Variants in SVIL observed in about 807,000 individuals in gnomAD.
SVIL encodes the protein archvillin.
Under a neutral mutation model 240.4 loss-of-function variants are expected in SVIL, and 101 were observed. The ratio of observed to expected loss-of-function variants is 0.42; its 90% confidence interval spans 0.36 to 0.50. The LOEUF (loss-of-function observed/expected upper bound fraction) is 0.50, where lower values mean the gene tolerates loss of function less well. SVIL is among the 20% of genes least tolerant of loss of function. SVIL has a pLI of 0.01. For missense variants in SVIL, 2,512 were observed against 2,818.7 expected (o/e 0.89, Z 2.46); for synonymous variants, 999 against 1,100.0 (o/e 0.91, Z 1.82).
At chr10:29,553,625 C>A (rs1202308538) in intron 5 of SVIL, among the ~76,000 whole-genome samples, 1 of 152,086 alleles carries the variant, frequency 6.6e-6, no homozygotes, top group East Asian at 1.9e-4. Context: ...AAAGCAGCAG[C>A]ACAGCTCCTC....
intron 1 of SVIL, among the ~76,000 whole-genome samples, chr10:29,699,194 T>C (rs1427717316): frequency 6.6e-6 from 1 of 152,204 alleles, no homozygotes; most frequent in Non-Finnish European, 1.5e-5. Context: ...CAGTGTGTGA[T>C]CATAGCTCAC....
At chr10:29,493,480 C>G (rs1343160823) in intron 20 of SVIL, 89 bp from the exon 21 acceptor site, 1 of 1,414,084 alleles carries the variant, frequency 7.1e-7, no homozygotes, top group East Asian at 2.4e-5. Context: ...TCTATTGCCT[C>G]CTAAGTTCCA....
At chr10:29,562,169 T>A (rs1954537881) in intron 3 of SVIL, among the ~76,000 whole-genome samples, 2 of 152,374 alleles carry the variant, frequency 1.3e-5, no homozygotes, top group Admixed American at 6.5e-5. Flanking sequence ...TTTCTTCCAC[T>A]GGAAGGTTTC....
chr10:29,646,179 C>A lies in SVIL; in HGVS notation c.-201+11790G>T, dbSNP rs189125002. 3.9e-5 allele frequency among the ~76,000 whole-genome samples: 6 copies of A among 152,298 alleles called. No individual in the cohort carries two copies. The East Asian group carries it at 7.7e-4, about 20-fold the overall frequency. On this transcript the variant is annotated intron_variant, in intron 3 of 35. Coordinates refer to the SVIL transcript ENST00000375400. ...AGGGAAAATGACAAGGCAATGAGTT[C>A]TTTTCCAAAGGCAACTTTATCCCTC...
intron 1 of SVIL, among the ~76,000 whole-genome samples, chr10:29,625,515 G>A (rs1381507589): frequency 6.6e-6 from 1 of 152,098 alleles, no homozygotes. Flanking sequence ...CCAGGCTGGA[G>A]TGCAGCGGCG....
At chr10:29,540,661 G>T (rs962383256) in intron 6 of SVIL, among the ~76,000 whole-genome samples, 1 of 152,226 alleles carries the variant, frequency 6.6e-6, no homozygotes, top group Middle Eastern at 3.4e-3. Flanking sequence ...TAAGAATGAG[G>T]TTGGGATGCC....
At chr10:29,718,325 CAA>C (rs59660864) in intron 1 of SVIL, among the ~76,000 whole-genome samples, 5,907 of 133,572 alleles carry the variant, frequency 0.044, 249 homozygotes, top group African/African-American at 0.11. Context: ...GACTCCGTCT[CAA>C]AAAAAAAAAA....
At chr10:29,478,074 C>T (rs925927151) in intron 29 of SVIL, among the ~76,000 whole-genome samples, 1 of 152,164 alleles carries the variant, frequency 6.6e-6, no homozygotes, top group Non-Finnish European at 1.5e-5. Flanking sequence ...TAGGAACGGG[C>T]ACTACAAGTG....
intron 2 of SVIL, among the ~76,000 whole-genome samples, chr10:29,662,971 G>A (rs1185574274): frequency 6.6e-6 from 1 of 152,136 alleles, no homozygotes; most frequent in Non-Finnish European, 1.5e-5. Flanking sequence ...AAATTAACTG[G>A]GTGTGGTGGC....
intron 2 of SVIL, among the ~76,000 whole-genome samples, chr10:29,669,223 G>T (rs181243107): frequency 1.1e-4 from 16 of 152,302 alleles, no homozygotes; most frequent in African/African-American, 3.8e-4. Flanking sequence ...GGGGAAGAAG[G>T]CTGGGGCACA....
intron 3 of SVIL, among the ~76,000 whole-genome samples, chr10:29,649,465 A>G (rs1445724701): frequency 6.6e-6 from 1 of 152,196 alleles, no homozygotes; most frequent in Non-Finnish European, 1.5e-5. Context: ...AAATTGCTAC[A>G]AGAAGACTTT....
intron 1 of SVIL, among the ~76,000 whole-genome samples, chr10:29,622,033 G>A (rs1156853302): frequency 1.3e-5 from 2 of 151,558 alleles, no homozygotes; most frequent in East Asian, 3.9e-4. Context: ...GGCGGATCAC[G>A]AGGTCAGGAG....
intron 3 of SVIL, among the ~76,000 whole-genome samples, chr10:29,645,539 C>G (rs1461769527): frequency 6.6e-6 from 1 of 152,138 alleles, no homozygotes; most frequent in East Asian, 1.9e-4. Context: ...CACTGAACTC[C>G]AGCCTGGGCG....
At chr10:29,697,102 G>T in intron 1 of SVIL, among the ~76,000 whole-genome samples, 1 of 126,108 alleles carries the variant, frequency 7.9e-6, no homozygotes, top group East Asian at 2.8e-4. Flanking sequence ...GAAGTGAGGA[G>T]CCCCTCTGCC....
intron 3 of SVIL, among the ~76,000 whole-genome samples, chr10:29,651,122 C>G (rs1219936650): frequency 1.3e-5 from 2 of 152,060 alleles, no homozygotes; most frequent in Admixed American, 1.3e-4. Context: ...CGAACCCCAG[C>G]CTCACACCAC....
At chr10:29,513,511 G>A (rs575009926) in intron 16 of SVIL, among the ~76,000 whole-genome samples, 219 of 152,292 alleles carry the variant, frequency 1.4e-3, no homozygotes, top group African/African-American at 5.1e-3. Context: ...ACTCCAGCCT[G>A]GGTGACACAG....
chr10:29,462,347 T>C lies in SVIL; in HGVS notation c.6332A>G (p.Glu2111Gly). The change falls in exon 36 of 38, where the codon GAG (glutamate) becomes GGG (glycine). Residue 2111 changes from glutamate (E) to glycine (G), a missense_variant. Coordinates refer to ENST00000355867, the MANE Select transcript of SVIL (RefSeq NM_021738.3). ...PKSYLIHAGL[E>G]PLTFTNMFPS... ...AAACATATTGGTGAATGTCAGGGGC[T>C]CCAGACCAGCGTGGATAAGGTAAGA... The C allele has an allele frequency of 6.2e-7, 1 of 1,614,192 alleles. No homozygotes were observed. The highest frequency in any genetic ancestry group is 8.5e-7 in the Non-Finnish European group (1 of 1,180,022).
intron 3 of SVIL, among the ~76,000 whole-genome samples, chr10:29,656,900 G>T (rs1171335064): frequency 6.6e-6 from 1 of 152,156 alleles, no homozygotes; most frequent in Non-Finnish European, 1.5e-5. Context: ...ATTAATATAT[G>T]TACATATTCT....
At chr10:29,546,174 A>C (rs1195034296) in intron 6 of SVIL, among the ~76,000 whole-genome samples, 2 of 152,220 alleles carry the variant, frequency 1.3e-5, no homozygotes, top group Non-Finnish European at 2.9e-5. Flanking sequence ...ATAGGACCTA[A>C]ATCCCTTTTA....
Sources: gnomAD v4.1 joint callset for allele counts (sites outside exome capture counted in the v4.1 genomes callset) on GRCh38, gnomAD v4.1.1 for gene constraint, MANE v1.5 for transcripts, NCBI Gene and HGNC (gene_info 2026-07-23, HGNC 2026-07-21) for gene names.